The following PLEKHG4B variants were observed in gnomAD, a reference collection of about 807,000 sequenced individuals.
PLEKHG4B encodes the protein pleckstrin homology domain-containing family G member 4B.
A neutral mutation model predicts 121.3 loss-of-function variants in PLEKHG4B; 111 were observed. The ratio of observed to expected loss-of-function variants is 0.92; its 90% confidence interval spans 0.78 to 1.07. The LOEUF (loss-of-function observed/expected upper bound fraction) is 1.07, where lower values mean the gene tolerates loss of function less well. Among genes scored for constraint, PLEKHG4B ranks in the 50% least tolerant of loss-of-function variants. The probability of loss-of-function intolerance (pLI) is 0.00; values close to 1 mark genes in which losing one functional copy is unlikely to be tolerated. For missense variants in PLEKHG4B, 1,831 were observed against 1,757.8 expected (o/e 1.04, Z -0.74); for synonymous variants, 738 against 725.0 (o/e 1.02, Z -0.29).
intron 1 of PLEKHG4B, among the ~76,000 whole-genome samples, chr5:107,377 C>T (rs887855142): frequency 2.0e-5 from 3 of 152,242 alleles, no homozygotes; most frequent in African/African-American, 7.2e-5. Context: ...TCCACCCTGT[C>T]CTGCCATTGT....
At position 173,972 on chromosome 5, in the gene PLEKHG4B, A is replaced by C; in HGVS notation, c.4276A>C (p.Ile1426Leu). The C allele has an allele frequency of 6.2e-7, 1 of 1,612,500 alleles. No individual in the cohort carries two copies. Among genetic ancestry groups the C allele is most frequent in the Non-Finnish European group, 8.5e-7 (1 of 1,179,690 alleles). ...NVGDSGLRFE[I>L]WFRRRRKSQD... ...CGGGGACAGTGGCTTGAGGTTTGAG[A>C]TTTGGTTTCGCAGGCGGCGGAAATC... The change falls in exon 18 of 20, where the codon ATT becomes CTT. Residue 1426 changes from isoleucine to leucine, a missense_variant. Ile to Leu is a conservative substitution (Grantham distance 5, BLOSUM62 2). Coordinates refer to ENST00000637938, the MANE Select transcript of PLEKHG4B (RefSeq NM_052909.5).
chr5:146,875 C>T (rs527728678), intron 6 of PLEKHG4B, among the ~76,000 whole-genome samples: 71 of 151,708 alleles, frequency 4.7e-4, no homozygotes, highest in African/African-American at 1.6e-3. Context: ...CTGTCAGTCC[C>T]GCCTGTGGTT....
At chr5:142,903 C>T (rs924768182) in intron 3 of PLEKHG4B, 144 bp from the exon 4 acceptor site, 70 of 783,044 alleles carry the variant, frequency 8.9e-5, no homozygotes, top group Middle Eastern at 5.2e-4. Flanking sequence ...TTTCACTTCC[C>T]GTGTGAACTG....
At chr5:115,278 G>A (rs892581491) in intron 2 of PLEKHG4B, among the ~76,000 whole-genome samples, 1 of 152,126 alleles carries the variant, frequency 6.6e-6, no homozygotes, top group African/African-American at 2.4e-5. Flanking sequence ...CTGAGCAGTG[G>A]GTCTCAACAG....
intron 1 of PLEKHG4B, among the ~76,000 whole-genome samples, chr5:100,103 A>C (rs1390800483): frequency 6.6e-6 from 1 of 152,114 alleles, no homozygotes; most frequent in African/African-American, 2.4e-5. Flanking sequence ...TCCTTTTAAT[A>C]TGCTGTTAGA....
chr5:166,514 C>A (rs1403954780), intron 13 of PLEKHG4B, among the ~76,000 whole-genome samples: 1 of 87,740 alleles, frequency 1.1e-5, no homozygotes, highest in Non-Finnish European at 2.7e-5. Flanking sequence ...TCTGACGGGG[C>A]GGAGCTCACA....
At chr5:149,566 T>G (rs1735537311) in intron 6 of PLEKHG4B, among the ~76,000 whole-genome samples, 1 of 151,898 alleles carries the variant, frequency 6.6e-6, no homozygotes, top group Non-Finnish European at 1.5e-5. Context: ...GAAGACGCTA[T>G]CAACAGAGTA....
chr5:93,819 G>C (rs1448308424), intron 1 of PLEKHG4B, among the ~76,000 whole-genome samples: 1 of 152,184 alleles, frequency 6.6e-6, no homozygotes, highest in Non-Finnish European at 1.5e-5. Flanking sequence ...ATGCTGGGCT[G>C]AGGAAGTAAT....
Position 128,558 on chromosome 5 carries a change from A to G in PLEKHG4B, c.244-10925A>G, listed in dbSNP as rs1184642233. On this transcript the variant is annotated intron_variant, in intron 2 of 19. Transcript: ENST00000637938. The stretch of plus-strand genomic sequence containing the variant: ...TTGGCTCTTGCAAGCCGCTCCAGGA[A>G]CACAGGCACAGCTGCCTGCGGGGCT... Among the ~76,000 whole-genome samples, 4 of 152,168 alleles carry G rather than the reference A, an allele frequency of 2.6e-5. 1 individual carries two copies. In the East Asian group the frequency reaches 5.8e-4, roughly 22 times the overall value.
At chr5:92,530 G>A in intron 1 of PLEKHG4B, among the ~76,000 whole-genome samples, 1 of 139,752 alleles carries the variant, frequency 7.2e-6, no homozygotes, top group East Asian at 2.1e-4. Context: ...GCGGGCGGGC[G>A]CGGGGACTGG....
chr5:135,683 ATATATATATATATATAT>A (rs1203580537), intron 2 of PLEKHG4B, among the ~76,000 whole-genome samples: 4 of 16,118 alleles, frequency 2.5e-4, no homozygotes, highest in South Asian at 2.5e-3. Flanking sequence ...AAAAAAAAAA[ATATATATATATATATAT>A]ATATATATAT....
At chr5:112,324 G>A (rs1734182196) in intron 1 of PLEKHG4B, among the ~76,000 whole-genome samples, 1 of 152,238 alleles carries the variant, frequency 6.6e-6, no homozygotes. Flanking sequence ...CTGCAGGCCA[G>A]AGGAGTCCCT....
At chr5:119,749 G>C in intron 2 of PLEKHG4B, among the ~76,000 whole-genome samples, 1 of 152,192 alleles carries the variant, frequency 6.6e-6, no homozygotes, top group East Asian at 1.9e-4. Flanking sequence ...AGGGGAGCAA[G>C]CCCACTAGAG....
chr5:135,404 C>T (rs1475016031), intron 2 of PLEKHG4B, among the ~76,000 whole-genome samples: 2 of 150,478 alleles, frequency 1.3e-5, no homozygotes, highest in East Asian at 2.0e-4. Flanking sequence ...TGGTGGCTCA[C>T]GCTTGCAATG....
rs1003137210 is a variant in PLEKHG4B at position 159,005 on chromosome 5, G to A, written c.2487+2094G>A. On this transcript the variant is annotated intron_variant, in intron 11 of 19. Coordinates refer to ENST00000637938, the MANE Select transcript of PLEKHG4B (RefSeq NM_052909.5). This position sits in a 1 kb window ranked among gnomAD's most constrained non-coding sequence, Gnocchi z 5.5. ...CCAGCAGTCACTTTAGTTTCCCTTC[G>A]CCAGCTGGAAGGCCCTGCGCCTGTG... Among the ~76,000 whole-genome samples the A allele has an allele frequency of 2.0e-5, 3 of 151,788 alleles. No individual in the cohort carries two copies. Among genetic ancestry groups the A allele is most frequent in the Admixed American group, 6.6e-5 (1 of 15,208 alleles).
Position 140,000 on chromosome 5 carries a change from G to C in PLEKHG4B, c.761G>C (p.Arg254Pro), listed in dbSNP as rs1001626064. The C allele has an allele frequency of 7.3e-6, 3 of 408,782 alleles. No individual in the cohort carries two copies. The highest frequency in any genetic ancestry group is 1.3e-5 in the Non-Finnish European group (3 of 232,070). 25.3% of individuals were successfully genotyped at this position (408,782 alleles called of 1,614,324 possible). The change falls in exon 3 of 20, where the codon CGC (arginine) becomes CCC (proline). Residue 254 changes from arginine (R) to proline (P), a missense_variant. Transcript: ENST00000637938. The surrounding 1 kb of genome is among the most constrained non-coding windows in gnomAD (Gnocchi z 5.0). ...SCPDTLTSPC[R>P]RGHTGSDQLR... Reference sequence around the variant, plus strand: ...CCCGACACCCTGACCTCACCCTGCCGCCGAGGGCATACGGGCAGCGACCAG... The same window carrying C: ...CCCGACACCCTGACCTCACCCTGCCCCCGAGGGCATACGGGCAGCGACCAG...
chr5:97,349 TCGTTTTCCTCATTCC>T, intron 1 of PLEKHG4B, among the ~76,000 whole-genome samples: 1 of 151,764 alleles, frequency 6.6e-6, no homozygotes, highest in African/African-American at 2.4e-5. Flanking sequence ...AGGCTCCAGA[TCGTTTTCCTCATTCC>T]GAAGTCAAAA....
At chr5:174,144 C>A in intron 18 of PLEKHG4B, 46 bp downstream of exon 18, 1 of 1,258,438 alleles carries the variant, frequency 7.9e-7, no homozygotes, top group Non-Finnish European at 1.1e-6. Flanking sequence ...AGGGGCACAG[C>A]TAGGGGCAGG....
At chr5:92,461 CGGGGTAGGGGCGGGTGGGGGCGCG>C (rs1171607609) in intron 1 of PLEKHG4B, among the ~76,000 whole-genome samples, 185 bp downstream of exon 1, 5 of 51,436 alleles carry the variant, frequency 9.7e-5, no homozygotes, top group East Asian at 5.9e-4. Context: ...GTGGGGGCGC[CGGGGTAGGGGCGGGTGGGGGCGCG>C]GGGGTAGGGG....
Sources: allele counts gnomAD v4.1 joint callset (sites outside exome capture counted in the v4.1 genomes callset), GRCh38; gene constraint gnomAD v4.1.1; non-coding constraint Gnocchi (gnomAD v3.1); transcripts MANE v1.5; gene names NCBI Gene and HGNC (gene_info 2026-07-23, HGNC 2026-07-21).